Variants in ZC3H18 observed in about 807,000 individuals in gnomAD.
ZC3H18 encodes zinc finger CCCH domain-containing protein 18.
ZC3H18 carries 8 observed loss-of-function variants against 106.1 expected under a neutral mutation model. The ratio of observed to expected loss-of-function variants is 0.08; its 90% CI spans 0.04 to 0.14. The LOEUF is 0.14. Ranked by LOEUF, ZC3H18 falls within the 10% of genes least tolerant of loss-of-function variation. ZC3H18 has a pLI of 1.00. For synonymous variants in ZC3H18, 635 were observed against 522.1 expected, an observed-to-expected ratio of 1.22 and a Z score of -2.95; for missense variants, 1,318 against 1,278.4, an observed-to-expected ratio of 1.03 and a Z score of -0.47.
At position 88,595,534 on chromosome 16, in the gene ZC3H18, C is replaced by T. The variant is rs1171674498; in HGVS notation, c.689-2644C>T. Among the ~76,000 whole-genome samples the T allele has an allele frequency of 4.2e-5, 6 of 141,738 alleles. No individual in the cohort carries two copies. The East Asian group carries it at 6.2e-4, about 15-fold the overall frequency. 93.0% of individuals were successfully genotyped at this position (141,738 alleles called of 152,430 possible). A position where few individuals can be genotyped will look rare whatever the true frequency, so the allele number is the denominator to read the frequency against. On this transcript the variant is annotated intron_variant, in intron 3 of 17. Coordinates refer to ENST00000301011, the MANE Select transcript of ZC3H18 (RefSeq NM_144604.4). The stretch of plus-strand genomic sequence containing the variant: ...TAAATTATGAAAGTAAGGCTGGGGA[C>T]GGTAGCTGACACCTGTAATCCCAGC...
At chr16:88,586,837 T>G in intron 3 of ZC3H18, 153 bp downstream of exon 3, 1 of 621,446 alleles carries the variant, frequency 1.6e-6, no homozygotes, top group Non-Finnish European at 2.9e-6. Flanking sequence ...GTGGTGGTGG[T>G]GGCAATATTG....
In ZC3H18 at chr16:88,577,408, C is replaced by A. The variant is rs750045431; in HGVS notation, c.285C>A (p.Ser95=). The A allele has an allele frequency of 1.2e-6, 2 of 1,601,212 alleles. No individual in the cohort carries two copies. Among genetic ancestry groups the A allele is most frequent in the East Asian group, 2.2e-5 (1 of 44,642 alleles). The change falls in exon 2 of 18, where the codon TCC becomes TCA. Residue 95 remains serine (S), a synonymous_variant. Transcript: ENST00000301011. The part of the protein sequence containing the change: ...VNELSRGPTS[S]PCEEEGDEGE... ...AGCTGAGCCGGGGCCCGACCAGCTC[C>A]CCCTGCGAGGAGGAGGGGGACGAAG...
rs773199293 is a variant in ZC3H18 at position 88,598,698 on chromosome 16, C to A, written c.916C>A (p.Arg306=). ...PTESAWERGL[R]HAKEVLKKAT... The stretch of plus-strand genomic sequence containing the variant: ...AGAGAGTGCCTGGGAACGAGGACTC[C>A]GGCATGCAAAGGAGGTAAACACAAT... Residue 306 remains arginine, a synonymous_variant, in exon 5 of 18, where the codon CGG becomes AGG. Transcript: ENST00000301011. The A allele has an allele frequency of 6.2e-7, 1 of 1,611,828 alleles. No individual in the cohort carries two copies.
At chr16:88,613,526 A>AGG (rs1905390925) in intron 8 of ZC3H18, among the ~76,000 whole-genome samples, 1 of 152,052 alleles carries the variant, frequency 6.6e-6, no homozygotes, top group African/African-American at 2.4e-5. Context: ...CGTCTTGTTG[A>AGG]TGACAGCCGT....
chr16:88,622,476 AC>A, intron 9 of ZC3H18, 88 bp downstream of exon 9: 1 of 1,398,118 alleles, frequency 7.2e-7, no homozygotes, highest in Non-Finnish European at 9.5e-7. Context: ...GGTGGGGAAC[AC>A]CCCAGCCCCA....
At chr16:88,576,232 G>A (rs539405969) in intron 1 of ZC3H18, among the ~76,000 whole-genome samples, 3 of 151,500 alleles carry the variant, frequency 2.0e-5, no homozygotes, top group South Asian at 4.2e-4. Context: ...TACAGAGACA[G>A]GGTCTCACCA....
At chr16:88,578,953 G>A (rs542385365) in intron 2 of ZC3H18, among the ~76,000 whole-genome samples, 31 of 152,334 alleles carry the variant, frequency 2.0e-4, no homozygotes, top group African/African-American at 7.5e-4. Flanking sequence ...CTCCCACAGT[G>A]CTGGGATCAC....
intron 4 of ZC3H18, 24 bp downstream of exon 4, chr16:88,598,350 T>A (rs3887592): frequency 6.3e-7 from 1 of 1,583,504 alleles, no homozygotes; most frequent in East Asian, 2.2e-5. Context: ...CTTCTTTCAT[T>A]GTTAGCACAT....
At chr16:88,614,943 C>T (rs762857304) in intron 8 of ZC3H18, among the ~76,000 whole-genome samples, 28 of 152,182 alleles carry the variant, frequency 1.8e-4, no homozygotes, top group Admixed American at 5.2e-4. Context: ...TCCTCCATTC[C>T]GTCTGCCTGG....
intron 1 of ZC3H18, chr16:88,571,730 C>G (rs1914419368): frequency 1.0e-6 from 1 of 963,414 alleles, no homozygotes; most frequent in Non-Finnish European, 1.2e-6. Flanking sequence ...GTCACAGCTA[C>G]AGAGCATCTC....
chr16:88,594,918 G>C (rs750312400), intron 3 of ZC3H18, among the ~76,000 whole-genome samples: 1 of 152,192 alleles, frequency 6.6e-6, no homozygotes, highest in African/African-American at 2.4e-5. Context: ...TTGGGAGGCC[G>C]AGGCGGGCGG....
chr16:88,629,265 A>G (rs1254549192), intron 16 of ZC3H18, among the ~76,000 whole-genome samples: 4 of 152,212 alleles, frequency 2.6e-5, no homozygotes, highest in Non-Finnish European at 5.9e-5. Flanking sequence ...ATCTGAGGTC[A>G]GGAGTTTGAG....
intron 2 of ZC3H18, among the ~76,000 whole-genome samples, chr16:88,579,541 G>T (rs1914980409): frequency 6.6e-6 from 1 of 152,176 alleles, no homozygotes; most frequent in African/African-American, 2.4e-5. Context: ...GCCGCACCAT[G>T]GGCGCGGGCG....
chr16:88,589,220 C>A (rs1316469054), intron 3 of ZC3H18, among the ~76,000 whole-genome samples: 1 of 152,196 alleles, frequency 6.6e-6, no homozygotes, highest in Non-Finnish European at 1.5e-5. Context: ...ATTCACTGCT[C>A]GTGAGAGGGT....
At chr16:88,596,565 A>G (rs1030681668) in intron 3 of ZC3H18, among the ~76,000 whole-genome samples, 7 of 152,052 alleles carry the variant, frequency 4.6e-5, no homozygotes, top group African/African-American at 1.7e-4. Context: ...ACTGACACCC[A>G]GGAGGTGGAG....
intron 8 of ZC3H18, 114 bp downstream of exon 8, chr16:88,611,650 G>C: frequency 7.0e-7 from 1 of 1,434,248 alleles, no homozygotes; most frequent in Non-Finnish European, 9.3e-7. Context: ...GGAGCCCAGG[G>C]GACCAGTGCA....
At chr16:88,598,825 G>C (rs1904592147) in intron 5 of ZC3H18, 113 bp downstream of exon 5, 2 of 932,824 alleles carry the variant, frequency 2.1e-6, no homozygotes, top group Admixed American at 5.5e-5. Context: ...TCTGAAGTTA[G>C]GCGTCTGTTT....
chr16:88,596,222 T>C lies in ZC3H18; in HGVS notation c.689-1956T>C, dbSNP rs569872049. ...CTGCCTTGTTCCTCTTTTCTCCCCA[T>C]GCCAATATCAGTGAGAAAGGATCTT... is the stretch of plus-strand genomic sequence containing the variant. On this transcript the variant is annotated intron_variant, in intron 3 of 17. Coordinates refer to ENST00000301011, the MANE Select transcript of ZC3H18 (RefSeq NM_144604.4). Among the ~76,000 whole-genome samples the C allele has an allele frequency of 3.3e-4, 50 of 152,292 alleles. 1 individual carries two copies. The highest frequency in any genetic ancestry group is 1.2e-3 in the African/African-American group (49 of 41,574).
intron 8 of ZC3H18, among the ~76,000 whole-genome samples, chr16:88,617,003 C>T (rs62047993): frequency 0.013 from 1,939 of 152,240 alleles, 21 homozygotes; most frequent in Non-Finnish European, 0.021. Context: ...GAGCGAGAGT[C>T]GGCCACTGTT....
Sources: allele counts gnomAD v4.1 joint callset (sites outside exome capture counted in the v4.1 genomes callset), GRCh38; gene constraint gnomAD v4.1.1; transcripts MANE v1.5; gene names NCBI Gene and HGNC (gene_info 2026-07-23, HGNC 2026-07-21).